The following CSMD1 variants were observed in gnomAD, a reference collection of about 807,000 sequenced individuals.
CSMD1 encodes CUB and Sushi multiple domains 1.
In CSMD1, 213 loss-of-function variants were observed where a neutral mutation model predicts 417.5. The observed-to-expected ratio is 0.51, with a 90% CI of 0.46 to 0.57. The LOEUF is 0.57. Among genes scored for constraint, CSMD1 ranks in the 20% least tolerant of loss-of-function variants. CSMD1 has a pLI of 0.00. For missense variants in CSMD1, 6,923 were observed against 4,529.7 expected, an observed-to-expected ratio of 1.53 and a Z score of -15.17; for synonymous variants, 2,862 against 1,736.8, an observed-to-expected ratio of 1.65 and a Z score of -16.11.
chr8:4,301,806 G>A (rs1003276354), intron 3 of CSMD1, among the ~76,000 whole-genome samples: 5 of 152,114 alleles, frequency 3.3e-5, no homozygotes, highest in African/African-American at 7.2e-5. Flanking sequence ...TGCCAGGGGG[G>A]TTCATTGTCC....
intron 23 of CSMD1, among the ~76,000 whole-genome samples, chr8:3,309,121 G>C (rs376313061): frequency 2.0e-5 from 3 of 146,628 alleles, no homozygotes; most frequent in Admixed American, 6.6e-5. Flanking sequence ...ATGCCCTCTA[G>C]GACCTCTAGG....
intron 1 of CSMD1, among the ~76,000 whole-genome samples, chr8:4,759,722 T>C (rs971387907): frequency 6.6e-6 from 1 of 152,200 alleles, no homozygotes; most frequent in African/African-American, 2.4e-5. Flanking sequence ...GCTCTATCCA[T>C]GTTCCTGAAA....
chr8:4,026,326 A>C (rs1196202845), intron 4 of CSMD1, among the ~76,000 whole-genome samples: 1 of 152,236 alleles, frequency 6.6e-6, no homozygotes, highest in Non-Finnish European at 1.5e-5. Flanking sequence ...TTAAATGTAA[A>C]TGTAATAATC....
chr8:3,351,215 G>A (rs1026854949), intron 21 of CSMD1, among the ~76,000 whole-genome samples: 4 of 152,156 alleles, frequency 2.6e-5, no homozygotes, highest in Admixed American at 2.0e-4. Flanking sequence ...ACACTTAAAT[G>A]TACAAAGGTA....
chr8:4,083,686 C>A (rs1425709995), intron 3 of CSMD1, among the ~76,000 whole-genome samples: 1 of 152,026 alleles, frequency 6.6e-6, no homozygotes, highest in East Asian at 1.9e-4. Flanking sequence ...ATACAAAAAT[C>A]AATTCAAGAT....
intron 5 of CSMD1, among the ~76,000 whole-genome samples, chr8:3,986,354 G>T (rs879908073): frequency 2.0e-5 from 3 of 152,100 alleles, no homozygotes; most frequent in Admixed American, 2.0e-4. Context: ...AGATCCCTGA[G>T]CACTGAGACA....
intron 6 of CSMD1, among the ~76,000 whole-genome samples, chr8:3,751,240 G>A (rs1288607837): frequency 6.6e-6 from 1 of 151,082 alleles, no homozygotes; most frequent in Non-Finnish European, 1.5e-5. Flanking sequence ...CATACCTTTT[G>A]ACCGTTTTAG....
At chr8:4,253,605 T>C (rs959184411) in intron 3 of CSMD1, among the ~76,000 whole-genome samples, 3 of 152,158 alleles carry the variant, frequency 2.0e-5, no homozygotes, top group Non-Finnish European at 4.4e-5. Flanking sequence ...TGAGAAAGTA[T>C]CTGTCAAGTA....
intron 5 of CSMD1, among the ~76,000 whole-genome samples, chr8:3,865,042 G>T (rs913751202): frequency 6.6e-6 from 1 of 152,164 alleles, no homozygotes; most frequent in Non-Finnish European, 1.5e-5. Context: ...AGTAAGACAT[G>T]CTTTGATTCT....
chr8:4,183,117 A>T (rs181680880), intron 3 of CSMD1, among the ~76,000 whole-genome samples: 2 of 152,284 alleles, frequency 1.3e-5, no homozygotes, highest in Non-Finnish European at 2.9e-5. Context: ...GATCATCTTT[A>T]TGCAGTGATA....
intron 3 of CSMD1, among the ~76,000 whole-genome samples, chr8:4,195,470 C>G (rs1305280011): frequency 1.3e-5 from 2 of 152,190 alleles, no homozygotes; most frequent in Admixed American, 6.5e-5. Flanking sequence ...CCTTAATGTG[C>G]TCCTCGTGAG....
At chr8:4,809,885 A>T (rs977633383) in intron 1 of CSMD1, among the ~76,000 whole-genome samples, 2 of 152,238 alleles carry the variant, frequency 1.3e-5, no homozygotes, top group African/African-American at 4.8e-5. Context: ...CATATTAAAC[A>T]GTGCCATTCA....
chr8:4,715,061 T>G (rs770879428), intron 1 of CSMD1, among the ~76,000 whole-genome samples: 4 of 152,192 alleles, frequency 2.6e-5, no homozygotes, highest in Non-Finnish European at 5.9e-5. Context: ...GTCTGTTATT[T>G]AAGTCCAGAT....
At chr8:3,897,854 C>T (rs1807468072) in intron 5 of CSMD1, among the ~76,000 whole-genome samples, 3 of 152,178 alleles carry the variant, frequency 2.0e-5, no homozygotes, top group Admixed American at 2.0e-4. Context: ...TATTAAAGTG[C>T]TGCTTCTTAT....
In CSMD1 at chr8:4,845,468, C is replaced by G. The variant is rs1477462369; in HGVS notation, c.85+148864G>C. Among the ~76,000 whole-genome samples the G allele has an allele frequency of 2.0e-5, 3 of 152,196 alleles. No homozygotes were observed. In the East Asian group the frequency reaches 5.8e-4, roughly 29 times the overall value. On this transcript the variant is annotated intron_variant, in intron 1 of 69. Transcript: ENST00000635120. ...ACCAAAAATCTTCAAGTGCAATCAG[C>G]AAAACATCTGAACGACAATTCACCA...
chr8:3,381,139 G>A (rs1293861450), intron 18 of CSMD1, among the ~76,000 whole-genome samples: 1 of 152,112 alleles, frequency 6.6e-6, no homozygotes, highest in African/African-American at 2.4e-5. Context: ...GATGAACAGG[G>A]TGCGTTCACC....
intron 3 of CSMD1, among the ~76,000 whole-genome samples, chr8:4,050,565 T>G (rs1198973781): frequency 2.0e-5 from 3 of 152,152 alleles, no homozygotes; most frequent in South Asian, 2.1e-4. Context: ...ACAAACAATC[T>G]AATCATACTA....
At chr8:3,686,991 G>A (rs919056303) in intron 7 of CSMD1, among the ~76,000 whole-genome samples, 3 of 152,188 alleles carry the variant, frequency 2.0e-5, no homozygotes, top group African/African-American at 7.2e-5. Flanking sequence ...AACGTATCAG[G>A]ACATTCAGGA....
intron 1 of CSMD1, among the ~76,000 whole-genome samples, chr8:4,987,083 C>A (rs1247072793): frequency 1.3e-5 from 2 of 152,172 alleles, no homozygotes; most frequent in Non-Finnish European, 2.9e-5. Flanking sequence ...CCATATTTTA[C>A]TACCTAGCAC....
Sources: gnomAD v4.1 joint callset for allele counts (sites outside exome capture counted in the v4.1 genomes callset) on GRCh38, gnomAD v4.1.1 for gene constraint, MANE v1.5 for transcripts, NCBI Gene and HGNC (gene_info 2026-07-23, HGNC 2026-07-21) for gene names.